FIP1L1: variants seen among roughly 807,000 people sequenced by gnomAD.
FIP1L1 encodes the protein pre-mRNA 3'-end-processing factor FIP1.
A neutral mutation model predicts 84.6 loss-of-function variants in FIP1L1; 21 were observed. The observed-to-expected ratio is 0.25, with a 90% CI of 0.18 to 0.36. The LOEUF (loss-of-function observed/expected upper bound fraction) is 0.36, where lower values mean the gene tolerates loss of function less well. FIP1L1 is among the 10% of genes least tolerant of loss of function. The probability of loss-of-function intolerance (pLI) is 1.00; values close to 1 mark genes in which losing one functional copy is unlikely to be tolerated. For synonymous variants in FIP1L1, 263 were observed against 242.3 expected, an observed-to-expected ratio of 1.09 and a Z score of -0.80; for missense variants, 526 against 751.1, an observed-to-expected ratio of 0.70 and a Z score of 3.50.
At chr4:53,394,634 G>C (rs1206391305) in intron 9 of FIP1L1, among the ~76,000 whole-genome samples, 3 of 152,000 alleles carry the variant, frequency 2.0e-5, no homozygotes, top group African/African-American at 7.2e-5. Context: ...TCTTTGGTCT[G>C]CTCAGTCAGT....
intron 10 of FIP1L1, among the ~76,000 whole-genome samples, chr4:53,413,610 C>T (rs1442374715): frequency 6.6e-6 from 1 of 151,726 alleles, no homozygotes; most frequent in Non-Finnish European, 1.5e-5. Flanking sequence ...TATAAGAAAA[C>T]CTATTCAGTA....
chr4:53,441,252 T>G (rs1771799267), intron 13 of FIP1L1, among the ~76,000 whole-genome samples: 1 of 151,930 alleles, frequency 6.6e-6, no homozygotes, highest in African/African-American at 2.4e-5. Context: ...AGTTCAGTGT[T>G]AAAAGCCAAG....
At chr4:53,427,899 C>T in intron 12 of FIP1L1, 128 bp from the exon 13 acceptor site, 1 of 766,164 alleles carries the variant, frequency 1.3e-6, no homozygotes, top group East Asian at 2.7e-5. Flanking sequence ...TACTCTCCCC[C>T]CAAAAATACA....
chr4:53,455,912 T>C (rs1199266395), intron 16 of FIP1L1, among the ~76,000 whole-genome samples: 3 of 152,124 alleles, frequency 2.0e-5, no homozygotes, highest in Admixed American at 6.6e-5. Context: ...TAAAATTTTA[T>C]TGACCAAGTA....
At position 53,383,675 on chromosome 4, in the gene FIP1L1, G is replaced by T. The variant is rs1250672853; in HGVS notation, c.229-98G>T. The T allele has an allele frequency of 3.0e-6, 3 of 1,006,820 alleles. No individual in the cohort carries two copies. The African/African-American group carries it at 5.2e-5, about 17-fold the overall frequency. The allele number at this position is 1,006,820 out of a possible 1,614,324, so 62.4% of individuals were successfully genotyped here. On this transcript the variant is annotated intron_variant, in intron 4 of 17. Coordinates refer to ENST00000337488, the MANE Select transcript of FIP1L1 (RefSeq NM_030917.4). Reference sequence around the variant, plus strand: ...AGAGTCTGTCTCAAGACAGAAGAAAGAAAAAAAAAAACAGGGTGGTTACTT... The same window carrying T: ...AGAGTCTGTCTCAAGACAGAAGAAATAAAAAAAAAAACAGGGTGGTTACTT...
chr4:53,419,359 A>C (rs1458722038), intron 11 of FIP1L1, among the ~76,000 whole-genome samples: 2 of 152,210 alleles, frequency 1.3e-5, no homozygotes, highest in Non-Finnish European at 2.9e-5. Context: ...GGTTATGCTA[A>C]GCCTGAATCC....
rs1744023981 is a variant in FIP1L1, at chr4:53,391,137, A to G, written c.634A>G (p.Thr212Ala). The G allele has an allele frequency of 6.3e-7, 1 of 1,597,638 alleles. No individual in the cohort carries two copies. The highest frequency in any genetic ancestry group is 1.4e-5 in the African/African-American group (1 of 73,722). ...IPVTSTTNKI[T>A]AEDCTMEVTP... ...AGTAACCTCTACTACAAATAAAATT[A>G]CGGTAATTAATAAATACTCCGGAAT... The change falls in exon 8 of 18, where the codon ACG becomes GCG. Residue 212 changes from threonine to alanine, a missense_variant and splice_region_variant. Thr to Ala is a moderately conservative substitution (Grantham distance 58). Transcript: ENST00000337488.
At chr4:53,406,973 T>C (rs1428387063) in intron 10 of FIP1L1, among the ~76,000 whole-genome samples, 2 of 152,230 alleles carry the variant, frequency 1.3e-5, no homozygotes, top group Non-Finnish European at 2.9e-5. Context: ...GCTGGATTCA[T>C]TGATTTTTTG....
intron 14 of FIP1L1, among the ~76,000 whole-genome samples, 188 bp from the exon 15 acceptor site, chr4:53,443,860 G>A (rs1773044944): frequency 6.6e-6 from 1 of 151,102 alleles, no homozygotes; most frequent in African/African-American, 2.4e-5. Flanking sequence ...TGTAAAATTA[G>A]GTATTTTAAT....
chr4:53,430,341 CTTTTTTTT>C (rs376793476), intron 13 of FIP1L1, among the ~76,000 whole-genome samples: 52 of 75,806 alleles, frequency 6.9e-4, no homozygotes, highest in Admixed American at 1.8e-3. Flanking sequence ...GATAAAATTA[CTTTTTTTT>C]TTTTTTTTTT....
Position 53,459,377 on chromosome 4 carries a change from C to A in FIP1L1, c.1713C>A (p.Ser571Arg). Reference sequence around the variant, plus strand: ...ACAAACACAAAAAATCTAAAAGAAGCAAAGAAGGAAAAGAAGCGGGCAGTG... The same window carrying A: ...ACAAACACAAAAAATCTAAAAGAAGAAAAGAAGGAAAAGAAGCGGGCAGTG... ...RRHKHKKSKR[S>R]KEGKEAGSEP... Residue 571 changes from serine to arginine, a missense_variant, in exon 18 of 18, where the codon AGC (serine) becomes AGA (arginine). Ser to Arg is a moderately radical substitution (Grantham distance 110, BLOSUM62 -1). Around this residue, in one of 6 missense-constraint regions of FIP1L1, gnomAD observed 89 missense variants for 169.0 expected, o/e 0.53. Transcript: ENST00000337488. 1.3e-6 allele frequency: 2 copies of A among 1,598,330 alleles called. No individual in the cohort carries two copies. The highest frequency in any genetic ancestry group is 1.7e-6 in the Non-Finnish European group (2 of 1,176,244).
intron 16 of FIP1L1, among the ~76,000 whole-genome samples, chr4:53,453,431 G>A (rs1003881214): frequency 6.6e-6 from 1 of 151,968 alleles, no homozygotes; most frequent in African/African-American, 2.4e-5. Context: ...TATTTCCAGT[G>A]TATTATAAAT....
intron 13 of FIP1L1, among the ~76,000 whole-genome samples, chr4:53,438,594 G>T (rs1414345579): frequency 1.3e-5 from 2 of 152,136 alleles, no homozygotes; most frequent in Non-Finnish European, 2.9e-5. Context: ...TGTAGGTATT[G>T]ATTGGAAAGA....
At chr4:53,406,245 C>T (rs1161028625) in intron 10 of FIP1L1, among the ~76,000 whole-genome samples, 1 of 152,244 alleles carries the variant, frequency 6.6e-6, no homozygotes, top group African/African-American at 2.4e-5. Flanking sequence ...TGTCAAAGGC[C>T]TTTTCTGCAT....
At chr4:53,458,498 C>T in intron 16 of FIP1L1, 155 bp from the exon 17 acceptor site, 1 of 585,626 alleles carries the variant, frequency 1.7e-6, no homozygotes. Flanking sequence ...TTATTTTCCT[C>T]TCAATTCAAC....
intron 15 of FIP1L1, among the ~76,000 whole-genome samples, chr4:53,450,582 G>T (rs1023343422): frequency 6.6e-6 from 1 of 152,154 alleles, no homozygotes; most frequent in Non-Finnish European, 1.5e-5. Flanking sequence ...CTATTTGGGA[G>T]GCTGAGGTGG....
chr4:53,407,494 G>A (rs574764691), intron 10 of FIP1L1, among the ~76,000 whole-genome samples: 54 of 152,194 alleles, frequency 3.5e-4, no homozygotes, highest in African/African-American at 1.2e-3. Context: ...CTGTTGATTT[G>A]GGGTGGAGAG....
intron 9 of FIP1L1, among the ~76,000 whole-genome samples, chr4:53,392,765 T>C (rs1744945877): frequency 6.6e-6 from 1 of 152,330 alleles, no homozygotes; most frequent in South Asian, 2.1e-4. Flanking sequence ...AGGTAGCCGT[T>C]ATGAATGTGT....
At chr4:53,387,751 A>G (rs1184225036) in intron 5 of FIP1L1, among the ~76,000 whole-genome samples, 1 of 152,252 alleles carries the variant, frequency 6.6e-6, no homozygotes, top group Admixed American at 6.5e-5. Flanking sequence ...CGGTCCTGTA[A>G]GAGAACAGTT....
Sources: gnomAD v4.1 joint callset for allele counts (sites outside exome capture counted in the v4.1 genomes callset) on GRCh38, gnomAD v4.1.1 for gene constraint, gnomAD v4.1.1 regional missense constraint, MANE v1.5 for transcripts, NCBI Gene and HGNC (gene_info 2026-07-23, HGNC 2026-07-21) for gene names.